The following AHI1 variants were observed in gnomAD, a reference collection of about 807,000 sequenced individuals.
AHI1 encodes jouberin.
In AHI1, 123 loss-of-function variants were observed where a neutral mutation model predicts 149.3. That is an observed-to-expected ratio of 0.82 (90% CI 0.71 to 0.96). The LOEUF (loss-of-function observed/expected upper bound fraction) is 0.96, where lower values mean the gene tolerates loss of function less well. Among genes scored for constraint, AHI1 ranks in the 40% least tolerant of loss-of-function variants. AHI1 has a pLI of 0.00. For missense variants in AHI1, 1,439 were observed against 1,422.7 expected (o/e 1.01, Z -0.18); for synonymous variants, 475 against 459.8 (o/e 1.03, Z -0.42).
rs185334486 is a variant in AHI1 at position 135,488,281 on chromosome 6, A to C, written c.135+2342T>G. 9.1e-4 allele frequency among the ~76,000 whole-genome samples: 139 copies of C among 152,248 alleles called. 2 individuals carry two copies. Among genetic ancestry groups the C allele is most frequent in the African/African-American group, 3.0e-3 (123 of 41,566 alleles). On this transcript the variant is annotated intron_variant, in intron 5 of 28. Coordinates refer to ENST00000265602, the MANE Select transcript of AHI1 (RefSeq NM_001134831.2). ...TGCTCCACTAGTACTGTCCCGGGATACTTATTTGTGGGTCAAATATCTTTC... is the reference window on the plus strand; with the variant it reads ...TGCTCCACTAGTACTGTCCCGGGATCCTTATTTGTGGGTCAAATATCTTTC...
chr6:135,373,530 A>G (rs1409997933), intron 23 of AHI1, among the ~76,000 whole-genome samples: 4 of 152,234 alleles, frequency 2.6e-5, no homozygotes, highest in African/African-American at 4.8e-5. Flanking sequence ...AGTCTAGAGA[A>G]GATAATAAAA....
At chr6:135,372,672 T>G (rs557690205) in intron 23 of AHI1, among the ~76,000 whole-genome samples, 1 of 152,208 alleles carries the variant, frequency 6.6e-6, no homozygotes, top group South Asian at 2.1e-4. Context: ...AGGGTGAGAC[T>G]TTGTCAAATA....
At chr6:135,333,870 A>G (rs1788967037) in intron 24 of AHI1, among the ~76,000 whole-genome samples, 2 of 152,220 alleles carry the variant, frequency 1.3e-5, no homozygotes, top group South Asian at 4.1e-4. Context: ...TAAGTACTCA[A>G]TTATATCAAA....
intron 23 of AHI1, among the ~76,000 whole-genome samples, chr6:135,388,844 T>G (rs1275580675): frequency 1.3e-5 from 2 of 151,534 alleles, no homozygotes; most frequent in Non-Finnish European, 2.9e-5. Context: ...AAACCCCGTC[T>G]CTACTAAAAA....
At chr6:135,285,719 T>C in intron 28 of AHI1, 72 bp from the exon 29 acceptor site, 1 of 1,320,226 alleles carries the variant, frequency 7.6e-7, no homozygotes, top group Non-Finnish European at 1.1e-6. Context: ...CAAATCTTAG[T>C]GTGCTCAGGC....
At chr6:135,332,710 T>A (rs916247679) in intron 24 of AHI1, among the ~76,000 whole-genome samples, 3 of 152,234 alleles carry the variant, frequency 2.0e-5, no homozygotes, top group East Asian at 1.9e-4. Context: ...TCTGTTTTAA[T>A]CTTGACAACA....
intron 23 of AHI1, among the ~76,000 whole-genome samples, chr6:135,379,841 C>T (rs1463265437): frequency 6.6e-6 from 1 of 152,066 alleles, no homozygotes; most frequent in Non-Finnish European, 1.5e-5. Context: ...GCTATTCTCC[C>T]AAACAACTTA....
intron 5 of AHI1, among the ~76,000 whole-genome samples, chr6:135,475,324 C>T (rs1406103951): frequency 1.3e-5 from 2 of 152,140 alleles, no homozygotes; most frequent in African/African-American, 4.8e-5. Flanking sequence ...ACAGGTAGTA[C>T]AGAAAACAGT....
At chr6:135,294,466 G>A (rs1330806956) in intron 27 of AHI1, among the ~76,000 whole-genome samples, 3 of 151,880 alleles carry the variant, frequency 2.0e-5, no homozygotes, top group African/African-American at 4.8e-5. Context: ...CCAAGATCAC[G>A]CCATTGCACT....
rs375293141 is a variant in AHI1 at position 135,457,686 on chromosome 6, C to G, written c.959G>C (p.Gly320Ala). The G allele has an allele frequency of 5.0e-6, 8 of 1,613,682 alleles. No individual in the cohort carries two copies. Among genetic ancestry groups the G allele is most frequent in the South Asian group, 1.1e-5 (1 of 91,068 alleles). ...AVADNNEDVD[G>A]DGVHEITSRD... ...GCTTGTTATTTCATGAACACCATCA[C>G]CATCAACATCTTCATTATTATCTGC... Residue 320 changes from glycine (G) to alanine (A), a missense_variant, in exon 9 of 29, where the codon GGT becomes GCT. Coordinates refer to ENST00000265602, the MANE Select transcript of AHI1 (RefSeq NM_001134831.2).
In AHI1 at chr6:135,439,104, T is replaced by C. The variant is rs867209493; in HGVS notation, c.1913-606A>G. 3.6e-4 allele frequency among the ~76,000 whole-genome samples: 55 copies of C among 152,194 alleles called. 1 individual carries two copies. Among genetic ancestry groups the C allele is most frequent in the African/African-American group, 1.3e-3 (53 of 41,448 alleles). ...AAGTTTCCAAGTCTCTGCTTCCATC[T>C]AGTGGTAAAAATCAATTGCCCTTTA... On this transcript the variant is annotated intron_variant, in intron 14 of 28. Coordinates refer to ENST00000265602, the MANE Select transcript of AHI1 (RefSeq NM_001134831.2).
intron 13 of AHI1, among the ~76,000 whole-genome samples, chr6:135,443,580 G>A (rs1786673850): frequency 6.6e-6 from 1 of 152,120 alleles, no homozygotes; most frequent in Non-Finnish European, 1.5e-5. Flanking sequence ...ATTATTCAAA[G>A]GGTCAAGCCT....
At chr6:135,442,745 T>G in intron 13 of AHI1, 31 bp from the exon 14 acceptor site, 7 of 1,566,792 alleles carry the variant, frequency 4.5e-6, no homozygotes, top group Non-Finnish European at 6.1e-6. Context: ...AAATATAAAT[T>G]AGCAAACATT....
chr6:135,489,278 C>T (rs1794913605), intron 5 of AHI1, among the ~76,000 whole-genome samples: 2 of 152,160 alleles, frequency 1.3e-5, no homozygotes, highest in South Asian at 4.1e-4. Context: ...TTAGTCACCT[C>T]ACACTTATGT....
intron 24 of AHI1, among the ~76,000 whole-genome samples, chr6:135,349,409 G>T (rs191544537): frequency 6.6e-6 from 1 of 152,098 alleles, no homozygotes; most frequent in South Asian, 2.1e-4. Context: ...TATACTACAC[G>T]TGTTCTCCAA....
At chr6:135,416,428 G>A (rs987516496) in intron 20 of AHI1, among the ~76,000 whole-genome samples, 1 of 151,750 alleles carries the variant, frequency 6.6e-6, no homozygotes, top group South Asian at 2.1e-4. Context: ...CCTGAGGAAT[G>A]TAAGGGTAGT....
At chr6:135,320,975 T>C (rs560056933) in intron 25 of AHI1, among the ~76,000 whole-genome samples, 3 of 152,356 alleles carry the variant, frequency 2.0e-5, no homozygotes, top group East Asian at 3.9e-4. Context: ...ATGGAACTTA[T>C]ATGCTGTCTT....
chr6:135,439,346 TGTTCAATGTATCC>T (rs1785909955), intron 14 of AHI1, among the ~76,000 whole-genome samples: 1 of 152,250 alleles, frequency 6.6e-6, no homozygotes, highest in African/African-American at 2.4e-5. Flanking sequence ...AATTATCCTG[TGTTCAATGTATCC>T]ATGCTATAGA....
intron 11 of AHI1, among the ~76,000 whole-genome samples, chr6:135,448,931 T>G (rs1787665605): frequency 6.6e-6 from 1 of 152,238 alleles, no homozygotes; most frequent in Non-Finnish European, 1.5e-5. Flanking sequence ...TTCAAGATAA[T>G]TAAACTCATT....
Sources: allele counts gnomAD v4.1 joint callset (sites outside exome capture counted in the v4.1 genomes callset), GRCh38; gene constraint gnomAD v4.1.1; transcripts MANE v1.5; gene names NCBI Gene and HGNC (gene_info 2026-07-23, HGNC 2026-07-21).